CCDC15: variants seen among roughly 807,000 people sequenced by gnomAD.
CCDC15 encodes the protein coiled-coil domain containing 15.
CCDC15 carries 105 observed loss-of-function variants against 114.5 expected under a neutral mutation model. That is an observed-to-expected ratio of 0.92 (90% CI 0.78 to 1.08). The LOEUF is 1.08. Ranked by LOEUF, CCDC15 falls within the 50% of genes least tolerant of loss-of-function variation. The pLI is 0.00. For synonymous variants in CCDC15, 334 were observed against 377.8 expected (o/e 0.88, Z 1.34); for missense variants, 1,105 against 1,093.6 (o/e 1.01, Z -0.15).
chr11:125,017,019 T>G (rs888128015), intron 13 of CCDC15, among the ~76,000 whole-genome samples: 4 of 152,218 alleles, frequency 2.6e-5, no homozygotes, highest in Admixed American at 6.5e-5. Flanking sequence ...AATTTTGCCT[T>G]TTACTTACTG....
chr11:125,031,088 C>T (rs527257129), intron 13 of CCDC15, among the ~76,000 whole-genome samples: 11 of 152,352 alleles, frequency 7.2e-5, no homozygotes, highest in African/African-American at 2.4e-4. Flanking sequence ...TATAATCGCT[C>T]ATCTGGCCAT....
chr11:125,024,789 G>T (rs142023977), intron 13 of CCDC15, among the ~76,000 whole-genome samples: 1 of 151,710 alleles, frequency 6.6e-6, no homozygotes, highest in Non-Finnish European at 1.5e-5. Flanking sequence ...TTGCCAGCTT[G>T]CACTGGCTAA....
chr11:124,993,051 T>G, intron 10 of CCDC15, 118 bp from the exon 11 acceptor site: 1 of 639,608 alleles, frequency 1.6e-6, no homozygotes, highest in Non-Finnish European at 2.8e-6. Context: ...GCTTTAACTG[T>G]GTTCTATTAT....
chr11:125,031,318 G>A (rs1002295248), intron 13 of CCDC15, among the ~76,000 whole-genome samples: 2 of 152,240 alleles, frequency 1.3e-5, no homozygotes, highest in Non-Finnish European at 2.9e-5. Flanking sequence ...AACTCCCCAT[G>A]AGGCCATTGG....
rs1948719075 is a variant in CCDC15, at chr11:125,028,427, A to G, written c.2412-10004A>G. On this transcript the variant is annotated intron_variant, in intron 13 of 15. Coordinates refer to ENST00000344762, the MANE Select transcript of CCDC15 (RefSeq NM_025004.3). ...GTGTTTCCATTTGTTTGTGTCATCT[A>G]TGATTTCTTTCAGCAGTGTTTTATA... Among the ~76,000 whole-genome samples the G allele has an allele frequency of 2.0e-5, 3 of 152,222 alleles. No homozygotes were observed. In the South Asian group the frequency reaches 6.2e-4, roughly 32 times the overall value.
chr11:124,989,743 C>A (rs1011884707), intron 8 of CCDC15, among the ~76,000 whole-genome samples: 3 of 152,202 alleles, frequency 2.0e-5, no homozygotes, highest in African/African-American at 7.2e-5. Context: ...CCTTAAACCT[C>A]ATGAACCAAC....
At chr11:124,957,616 G>T (rs1294326995) in intron 2 of CCDC15, among the ~76,000 whole-genome samples, 2 of 152,234 alleles carry the variant, frequency 1.3e-5, no homozygotes, top group Non-Finnish European at 2.9e-5. Context: ...GCTTAAACTT[G>T]TCTGGGGCTT....
rs958734083 is a variant in CCDC15, at chr11:124,988,132, C to T, written c.1906C>T (p.Gln636Ter). Residue 636 changes from glutamine (Q) to a stop codon, truncating the protein, a stop_gained and splice_region_variant, in exon 8 of 16, where the codon CAG becomes TAG. Coordinates refer to ENST00000344762, the MANE Select transcript of CCDC15 (RefSeq NM_025004.3). LOFTEE classifies it high-confidence loss of function. Reference protein sequence around the residue: ...CQDQDFLPKYQKVHFKEPYSD... With the variant: ...CQDQDFLPKY ...GGACCAAGATTTTCTACCAAAATATCAGGTAAAATAGAGCAGAAAGGAGAT... is the reference window on the plus strand; with the variant it reads ...GGACCAAGATTTTCTACCAAAATATTAGGTAAAATAGAGCAGAAAGGAGAT... 5.6e-6 allele frequency: 9 copies of T among 1,608,604 alleles called. No homozygotes were observed. Among genetic ancestry groups the T allele is most frequent in the Non-Finnish European group, 7.6e-6 (9 of 1,177,970 alleles).
chr11:124,986,905 A>C lies in CCDC15; in HGVS notation c.900+17A>C. The C allele has an allele frequency of 3.9e-6, 6 of 1,523,770 alleles. No homozygotes were observed. Among genetic ancestry groups the C allele is most frequent in the Non-Finnish European group, 5.3e-6 (6 of 1,136,520 alleles). 94.4% of individuals were successfully genotyped at this position (1,523,770 alleles called of 1,614,324 possible). ...AGAGTTCAGGTAAAGCAATAAGAGA[A>C]ATTAAATTAATTGTGATTTGGACTA... On this transcript the variant is annotated intron_variant, in intron 7 of 15. Coordinates refer to ENST00000344762, the MANE Select transcript of CCDC15 (RefSeq NM_025004.3).
At chr11:124,992,524 A>G in intron 9 of CCDC15, 56 bp from the exon 10 acceptor site, 1 of 964,816 alleles carries the variant, frequency 1.0e-6, no homozygotes, top group South Asian at 1.4e-5. Flanking sequence ...TATTATGATT[A>G]GCATTACACA....
At chr11:125,019,936 CTA>C (rs1055295196) in intron 13 of CCDC15, among the ~76,000 whole-genome samples, 3 of 1,016 alleles carry the variant, frequency 3.0e-3, no homozygotes, top group African/African-American at 0.021. Flanking sequence ...TTTGTCATTT[CTA>C]TGTGGGGGGG....
chr11:124,960,028 A>G lies in CCDC15; in HGVS notation c.516+25A>G, dbSNP rs1273455948. 8 of 1,502,722 alleles carry G rather than the reference A, an allele frequency of 5.3e-6. No homozygotes were observed. The African/African-American group carries it at 5.6e-5, about 11-fold the overall frequency. 93.1% of individuals were successfully genotyped at this position (1,502,722 alleles called of 1,614,324 possible). On this transcript the variant is annotated intron_variant, in intron 4 of 15. Transcript: ENST00000344762. ...TGTAAGTACCTGTTCTTTTTATTTT[A>G]TGTCTATGATATTTTCCCTATCCCC...
chr11:125,005,574 TC>T (rs1219028048), intron 13 of CCDC15, among the ~76,000 whole-genome samples: 1 of 152,172 alleles, frequency 6.6e-6, no homozygotes, highest in Non-Finnish European at 1.5e-5. Context: ...TTACCCAAAG[TC>T]CATAGTTTAC....
chr11:125,019,092 T>A (rs1948646234), intron 13 of CCDC15, among the ~76,000 whole-genome samples: 1 of 151,872 alleles, frequency 6.6e-6, no homozygotes, highest in African/African-American at 2.4e-5. Flanking sequence ...GAGAAAAAAA[T>A]TTGACTTCAT....
chr11:125,000,231 T>C (rs777134581), intron 11 of CCDC15, among the ~76,000 whole-genome samples: 6 of 152,254 alleles, frequency 3.9e-5, no homozygotes, highest in South Asian at 2.1e-4. Flanking sequence ...TTGTATCTTT[T>C]ATTTGTTTGT....
chr11:125,017,025 TACTG>T (rs1257322872), intron 13 of CCDC15, among the ~76,000 whole-genome samples: 1 of 152,224 alleles, frequency 6.6e-6, no homozygotes, highest in Non-Finnish European at 1.5e-5. Flanking sequence ...GCCTTTTACT[TACTG>T]AAGAAACTAA....
chr11:124,964,001 A>G (rs1947720999), intron 4 of CCDC15, among the ~76,000 whole-genome samples: 1 of 152,072 alleles, frequency 6.6e-6, no homozygotes, highest in South Asian at 2.1e-4. Context: ...ATTTGTCTAT[A>G]TATCTGTTTT....
rs1377876362 is a variant in CCDC15, at chr11:125,038,960, G to A, written c.2625G>A (p.Met875Ile). The part of the protein sequence containing the change: ...EALRAQIQEK[M>I]QLYNITLPPL... ...TACGAGCCCAAATCCAGGAGAAAAT[G>A]CAGCTGTATAATATTACTTTACCTC... The change falls in exon 15 of 16, where the codon ATG becomes ATA. Residue 875 changes from methionine (M) to isoleucine (I), a missense_variant. Met to Ile is a conservative substitution (Grantham distance 10). Transcript: ENST00000344762. 2 of 1,613,198 alleles carry A rather than the reference G, an allele frequency of 1.2e-6. No homozygotes were observed. The highest frequency in any genetic ancestry group is 2.7e-5 in the African/African-American group (2 of 74,908).
intron 13 of CCDC15, among the ~76,000 whole-genome samples, chr11:125,021,817 C>G (rs1948662293): frequency 6.6e-6 from 1 of 151,884 alleles, no homozygotes; most frequent in South Asian, 2.1e-4. Context: ...GCTGACTGGT[C>G]TAGAGAATAA....
Sources: allele counts gnomAD v4.1 joint callset (sites outside exome capture counted in the v4.1 genomes callset), GRCh38; gene constraint gnomAD v4.1.1; transcripts MANE v1.5; gene names NCBI Gene and HGNC (gene_info 2026-07-23, HGNC 2026-07-21).